Variants in AFTPH observed in about 807,000 individuals in gnomAD.
AFTPH encodes aftiphilin protein.
In AFTPH, 7 loss-of-function variants were observed where a neutral mutation model predicts 72.5. That is an observed-to-expected ratio of 0.10 (90% confidence interval 0.05 to 0.18). The LOEUF (loss-of-function observed/expected upper bound fraction) is 0.18, where lower values mean the gene tolerates loss of function less well. AFTPH is among the 10% of genes least tolerant of loss of function. The pLI is 1.00. For missense variants in AFTPH, 979 were observed against 1,060.5 expected (o/e 0.92, Z 1.07); for synonymous variants, 337 against 370.1 (o/e 0.91, Z 1.03).
At chr2:64,552,542 A>G (rs144984827) in exon 2 of AFTPH, 217 of 1,613,978 alleles carry the variant, frequency 1.3e-4, no homozygotes, top group Middle Eastern at 6.6e-4. Flanking sequence ...AAACTGAAGA[A>G]AAACTTGACT....
intron 2 of AFTPH, among the ~76,000 whole-genome samples, chr2:64,553,879 C>T (rs999109749): frequency 4.6e-5 from 7 of 151,342 alleles, no homozygotes; most frequent in East Asian, 1.9e-4. Flanking sequence ...AATTCAAGTA[C>T]GGTTTTGATT....
chr2:64,558,019 T>C (rs1421337), intron 2 of AFTPH, among the ~76,000 whole-genome samples: 54,231 of 152,052 alleles, frequency 0.36, 9,778 homozygotes, highest in South Asian at 0.4. Flanking sequence ...AAGTATACAG[T>C]TGTAGATTGT....
chr2:64,572,447 A>G (rs1472110814), intron 5 of AFTPH, among the ~76,000 whole-genome samples: 1 of 152,152 alleles, frequency 6.6e-6, no homozygotes, highest in East Asian at 1.9e-4. Context: ...ACCATGGGGT[A>G]ATGTGTACAA....
intron 1 of AFTPH, among the ~76,000 whole-genome samples, chr2:64,549,490 T>C (rs1459608828): frequency 6.7e-6 from 1 of 148,908 alleles, no homozygotes; most frequent in Non-Finnish European, 1.5e-5. Flanking sequence ...CCGGCTAATT[T>C]TTTTATTTTT....
exon 2 of AFTPH, chr2:64,553,140 G>C: frequency 6.2e-7 from 1 of 1,614,210 alleles, no homozygotes; most frequent in Non-Finnish European, 8.5e-7. Context: ...TCAAGACTCT[G>C]ATGATTTTGC....
At chr2:64,588,664 G>A (rs1464250409) in intron 8 of AFTPH, among the ~76,000 whole-genome samples, 2 of 152,152 alleles carry the variant, frequency 1.3e-5, no homozygotes, top group African/African-American at 2.4e-5. Flanking sequence ...TTCCCTGATA[G>A]CTAATCATGT....
exon 9 of AFTPH, chr2:64,592,903 G>C (rs1270175372): frequency 6.6e-6 from 1 of 152,618 alleles, no homozygotes; most frequent in Non-Finnish European, 1.5e-5. Flanking sequence ...GAGACATGTA[G>C]AAGAACCTCT....
At chr2:64,553,315 C>G (rs945885430) in exon 2 of AFTPH, 2 of 1,614,044 alleles carry the variant, frequency 1.2e-6, no homozygotes, top group South Asian at 1.1e-5. Context: ...AATATTGATA[C>G]TCCAGGAACC....
At position 64,550,677 on chromosome 2, in the gene AFTPH, G is replaced by GCACACACACACA. The variant is rs56139158; in HGVS notation, c.-32-723_-32-712dup. 4.0e-3 allele frequency among the ~76,000 whole-genome samples: 520 copies of GCACACACACACA among 130,220 alleles called. 9 individuals carry two copies. The highest frequency in any genetic ancestry group is 0.016 in the Middle Eastern group (4 of 250). 85.4% of individuals were successfully genotyped at this position (130,220 alleles called of 152,430 possible). A position where few individuals can be genotyped will look rare whatever the true frequency, so the allele number is the denominator to read the frequency against. On this transcript the variant is annotated intron_variant, in intron 1 of 8. Transcript: ENST00000238856. ...ATAAAATTTTTAGAACTGTACGCAT[G>GCACACACACACA]CACACACACACACACACACACACAC...
chr2:64,580,678 ATTCT>A (rs1468068948), intron 7 of AFTPH: 4 of 152,780 alleles, frequency 2.6e-5, no homozygotes, highest in Non-Finnish European at 4.4e-5. Flanking sequence ...TAGTTATGAC[ATTCT>A]TTATTATGTT....
At chr2:64,564,239 A>T (rs1671917684) in intron 2 of AFTPH, among the ~76,000 whole-genome samples, 1 of 152,228 alleles carries the variant, frequency 6.6e-6, no homozygotes, top group East Asian at 1.9e-4. Context: ...ATGCTAAATC[A>T]TGGTAGAGAA....
At chr2:64,566,277 A>G (rs1456278465) in intron 2 of AFTPH, among the ~76,000 whole-genome samples, 5 of 147,722 alleles carry the variant, frequency 3.4e-5, no homozygotes, top group Non-Finnish European at 7.4e-5. Flanking sequence ...CTTTTCCAAT[A>G]TCACACACAT....
intron 6 of AFTPH, among the ~76,000 whole-genome samples, chr2:64,577,605 G>A (rs1672903682): frequency 6.6e-6 from 1 of 152,282 alleles, no homozygotes; most frequent in South Asian, 2.1e-4. Flanking sequence ...ATGCCCAAAG[G>A]TGTCACTGAT....
At chr2:64,526,512 A>G (rs1669274289) in intron 1 of AFTPH, among the ~76,000 whole-genome samples, 1 of 152,194 alleles carries the variant, frequency 6.6e-6, no homozygotes, top group Non-Finnish European at 1.5e-5. Context: ...AATGTTACCT[A>G]CACTTTGTAG....
At chr2:64,539,602 A>C (rs1670100555) in intron 1 of AFTPH, among the ~76,000 whole-genome samples, 2 of 152,238 alleles carry the variant, frequency 1.3e-5, no homozygotes, top group Non-Finnish European at 2.9e-5. Flanking sequence ...AGTGTGCGTG[A>C]GTTGGAGCAC....
chr2:64,582,964 A>C lies in AFTPH; in HGVS notation c.2456-2458A>C, dbSNP rs554157125. Among the ~76,000 whole-genome samples, 5 of 152,366 alleles carry C rather than the reference A, an allele frequency of 3.3e-5. No homozygotes were observed. In the East Asian group the frequency reaches 9.6e-4, roughly 29 times the overall value. ...GAGCTGTAATGGAAGTGAAATCAGC[A>C]TGGTCAAATGCAGTTCTCATTACTT... On this transcript the variant is annotated intron_variant, in intron 7 of 8. Transcript: ENST00000238856.
chr2:64,532,218 A>T (rs1669666720), intron 1 of AFTPH, among the ~76,000 whole-genome samples: 1 of 152,186 alleles, frequency 6.6e-6, no homozygotes, highest in African/African-American at 2.4e-5. Context: ...GCACAAGGGA[A>T]TGTTAATTAT....
chr2:64,561,200 A>C (rs1408842391), intron 2 of AFTPH, among the ~76,000 whole-genome samples: 1 of 152,168 alleles, frequency 6.6e-6, no homozygotes, highest in East Asian at 1.9e-4. Context: ...CAGTTTTTAA[A>C]ATGTTTAATA....
At chr2:64,527,211 C>G (rs1362947985) in intron 1 of AFTPH, among the ~76,000 whole-genome samples, 4 of 152,174 alleles carry the variant, frequency 2.6e-5, no homozygotes, top group South Asian at 4.1e-4. Context: ...TTTAACACAC[C>G]TGGGTGATGG....
Sources: gnomAD v4.1 joint callset for allele counts (sites outside exome capture counted in the v4.1 genomes callset) on GRCh38, gnomAD v4.1.1 for gene constraint, MANE v1.5 for transcripts, NCBI Gene and HGNC (gene_info 2026-07-23, HGNC 2026-07-21) for gene names.